The following P3H2 variants were observed in gnomAD, a reference collection of about 807,000 sequenced individuals.
The protein encoded by P3H2 is leprecan-like 1.
P3H2 carries 80 observed loss-of-function variants against 87.0 expected under a neutral mutation model. The ratio of observed to expected loss-of-function variants is 0.92; its 90% CI spans 0.77 to 1.11. The LOEUF (loss-of-function observed/expected upper bound fraction) is 1.11, where lower values mean the gene tolerates loss of function less well. Among genes scored for constraint, P3H2 ranks in the 50% least tolerant of loss-of-function variants. The pLI is 0.00. For synonymous variants in P3H2, 367 were observed against 359.3 expected (o/e 1.02, Z -0.24); for missense variants, 1,001 against 923.9 (o/e 1.08, Z -1.08).
At chr3:190,007,808 GA>G (rs1328575835) in intron 1 of P3H2, among the ~76,000 whole-genome samples, 1 of 102,100 alleles carries the variant, frequency 9.8e-6, no homozygotes, top group African/African-American at 3.1e-5. Context: ...ACAGCGTTCA[GA>G]TTTTTTTTTT....
intron 1 of P3H2, among the ~76,000 whole-genome samples, chr3:190,045,941 G>A (rs977744150): frequency 6.6e-6 from 1 of 152,056 alleles, no homozygotes; most frequent in African/African-American, 2.4e-5. Context: ...CTAACATGGT[G>A]AAACCCCGTC....
At chr3:190,043,192 T>C (rs1282534832) in intron 1 of P3H2, among the ~76,000 whole-genome samples, 4 of 152,228 alleles carry the variant, frequency 2.6e-5, no homozygotes, top group African/African-American at 2.4e-5. Context: ...GAACATCATA[T>C]ACATTTATCA....
chr3:190,070,425 A>G (rs779799311), intron 1 of P3H2, among the ~76,000 whole-genome samples: 1 of 152,160 alleles, frequency 6.6e-6, no homozygotes, highest in Non-Finnish European at 1.5e-5. Context: ...GGGGTAACCG[A>G]GTCACAGGAA....
At chr3:190,032,670 A>G (rs1255818993) in intron 1 of P3H2, among the ~76,000 whole-genome samples, 1 of 152,180 alleles carries the variant, frequency 6.6e-6, no homozygotes, top group African/African-American at 2.4e-5. Context: ...ATTTCCTCCT[A>G]GAAACTTTGT....
intron 1 of P3H2, among the ~76,000 whole-genome samples, chr3:190,060,358 G>A (rs1726294855): frequency 6.6e-6 from 1 of 152,144 alleles, no homozygotes; most frequent in African/African-American, 2.4e-5. Context: ...CAGCATCCAA[G>A]TCCGCCAATT....
chr3:189,990,365 T>C (rs972385038), intron 3 of P3H2, among the ~76,000 whole-genome samples: 1 of 152,114 alleles, frequency 6.6e-6, no homozygotes, highest in Non-Finnish European at 1.5e-5. Flanking sequence ...TAAACAACCT[T>C]CAACTGTTTT....
chr3:190,048,135 TTCTC>T (rs374828642), intron 1 of P3H2, among the ~76,000 whole-genome samples: 58 of 152,332 alleles, frequency 3.8e-4, no homozygotes, highest in African/African-American at 1.4e-3. Context: ...TTATTTTTTC[TTCTC>T]TCTTTTTAAA....
rs549213665 is a variant in P3H2 at position 190,020,197 on chromosome 3, G to C, written c.481-24755C>G. 3.9e-4 allele frequency among the ~76,000 whole-genome samples: 52 copies of C among 133,982 alleles called. 7 individuals carry two copies. The highest frequency in any genetic ancestry group is 1.3e-3 in the African/African-American group (52 of 38,756). The allele number at this position is 133,982 out of a possible 152,430, so 87.9% of individuals were successfully genotyped here. ...AACACCAGGTTTCTGGCAAAACAGAGACTGTAGGTTTCAGGAAACCTACAC... is the reference window on the plus strand; with the variant it reads ...AACACCAGGTTTCTGGCAAAACAGACACTGTAGGTTTCAGGAAACCTACAC... On this transcript the variant is annotated intron_variant, in intron 1 of 14. Coordinates refer to ENST00000319332, the MANE Select transcript of P3H2 (RefSeq NM_018192.4).
chr3:190,081,807 A>G (rs1727052641), intron 1 of P3H2, among the ~76,000 whole-genome samples: 2 of 152,240 alleles, frequency 1.3e-5, no homozygotes, highest in Non-Finnish European at 2.9e-5. Flanking sequence ...TGAAGAGTCA[A>G]TCATAGGGCT....
intron 1 of P3H2, among the ~76,000 whole-genome samples, chr3:190,107,259 A>T (rs1711879989): frequency 6.6e-6 from 1 of 152,192 alleles, no homozygotes; most frequent in Non-Finnish European, 1.5e-5. Context: ...TGATAGATGG[A>T]TATACATTTA....
chr3:190,015,785 G>A (rs1445810601), intron 1 of P3H2, among the ~76,000 whole-genome samples: 1 of 152,196 alleles, frequency 6.6e-6, no homozygotes, highest in African/African-American at 2.4e-5. Flanking sequence ...AGTGCCCTTG[G>A]AGGGCTGCTT....
upstream of P3H2, chr3:190,120,933 G>A (rs931628819): frequency 5.6e-6 from 4 of 720,640 alleles, no homozygotes; most frequent in Non-Finnish European, 8.3e-6. Flanking sequence ...TTAAAGGGAC[G>A]CCCACAGCTC....
chr3:189,971,394 G>A (rs1723174355), intron 12 of P3H2, among the ~76,000 whole-genome samples: 1 of 152,208 alleles, frequency 6.6e-6, no homozygotes, highest in African/African-American at 2.4e-5. Context: ...AACACATGGT[G>A]ACTATAACTC....
At position 189,957,505 on chromosome 3, in the gene P3H2, T is replaced by G; in HGVS notation, c.*407A>C. The stretch of plus-strand genomic sequence containing the variant: ...TTTGGGGGAGGAGGTGAACTGGGCT[T>G]TGATAGATACATGAAATGATGAAAA... On this transcript the variant is annotated 3_prime_UTR_variant, in exon 15 of 15. Transcript: ENST00000319332. 1 of 382,284 alleles carries G rather than the reference T, an allele frequency of 2.6e-6. No individual in the cohort carries two copies. Among genetic ancestry groups the G allele is most frequent in the Non-Finnish European group, 4.6e-6 (1 of 215,936 alleles). The allele number at this position is 382,284 out of a possible 1,614,324, so 23.7% of individuals were successfully genotyped here. A position where few individuals can be genotyped will look rare whatever the true frequency, so the allele number is the denominator to read the frequency against.
chr3:190,120,595 A>C lies in P3H2; in HGVS notation c.137T>G (p.Leu46Arg). Reference sequence around the variant, plus strand: ...GGCGGCCGCGCCGCTGGCGTAGAGCAGGTCGAAGGGCTGCAGAGGCCCGGG... The same window carrying C: ...GGCGGCCGCGCCGCTGGCGTAGAGCCGGTCGAAGGGCTGCAGAGGCCCGGG... ...LEPGPLQPFD[L>R]LYASGAAAYY... Residue 46 changes from leucine to arginine, a missense_variant, in exon 1 of 15, where the codon CTG becomes CGG. Coordinates refer to ENST00000319332, the MANE Select transcript of P3H2 (RefSeq NM_018192.4). 1 of 1,546,248 alleles carries C rather than the reference A, an allele frequency of 6.5e-7. No individual in the cohort carries two copies. Among genetic ancestry groups the C allele is most frequent in the Non-Finnish European group, 8.6e-7 (1 of 1,156,106 alleles).
At chr3:189,993,048 C>G (rs113439358) in intron 3 of P3H2, among the ~76,000 whole-genome samples, 24 of 152,024 alleles carry the variant, frequency 1.6e-4, no homozygotes, top group Non-Finnish European at 2.8e-4. Flanking sequence ...TTCTGCTGGG[C>G]GTGCTGGCTC....
intron 7 of P3H2, 62 bp from the exon 8 acceptor site, chr3:189,983,202 G>T: frequency 8.0e-7 from 1 of 1,242,708 alleles, no homozygotes; most frequent in South Asian, 1.2e-5. Context: ...CAAAGGCAAA[G>T]AATACTTTAC....
intron 13 of P3H2, among the ~76,000 whole-genome samples, chr3:189,965,661 G>A (rs1435046948): frequency 1.3e-5 from 2 of 152,140 alleles, no homozygotes; most frequent in African/African-American, 4.8e-5. Flanking sequence ...AGCAAAATAA[G>A]TGAAAGGTAA....
intron 1 of P3H2, among the ~76,000 whole-genome samples, chr3:190,027,782 C>T (rs1189851812): frequency 6.6e-6 from 1 of 152,010 alleles, no homozygotes; most frequent in African/African-American, 2.4e-5. Flanking sequence ...CTCTGCTGCT[C>T]TTCCCACCCA....
Sources: gnomAD v4.1 joint callset for allele counts (sites outside exome capture counted in the v4.1 genomes callset) on GRCh38, gnomAD v4.1.1 for gene constraint, MANE v1.5 for transcripts, NCBI Gene and HGNC (gene_info 2026-07-23, HGNC 2026-07-21) for gene names.